Variants in RNF111 observed in about 807,000 individuals in gnomAD.
RNF111 encodes the protein ring finger protein 111.
RNF111 carries 17 observed loss-of-function variants against 95.1 expected under a neutral mutation model. That is an observed-to-expected ratio of 0.18 (90% confidence interval 0.12 to 0.27). RNF111 has a LOEUF of 0.27. RNF111 is among the 10% of genes least tolerant of loss of function. The pLI, the probability that RNF111 is intolerant of heterozygous loss-of-function variation, is 1.00. For synonymous variants in RNF111, 440 were observed against 414.8 expected (o/e 1.06, Z -0.74); for missense variants, 1,189 against 1,210.4 (o/e 0.98, Z 0.26).
At position 59,064,739 on chromosome 15, in the gene RNF111, C is replaced by T. The variant is rs80192488; in HGVS notation, c.1367-2025C>T. ...GGGAGATTAGCCCCCATAGGCCAGA[C>T]TAGCAGCTTGGAAAAAACGAATATA... On this transcript the variant is annotated intron_variant, in intron 5 of 13. Coordinates refer to ENST00000348370, the MANE Select transcript of RNF111 (RefSeq NM_017610.8). Among the ~76,000 whole-genome samples, 687 of 151,970 alleles carry T rather than the reference C, an allele frequency of 4.5e-3. 5 individuals carry two copies. Among genetic ancestry groups the T allele is most frequent in the African/African-American group, 0.016 (662 of 41,444 alleles).
chr15:59,093,823 CAAAT>C (rs1458795964), intron 13 of RNF111, among the ~76,000 whole-genome samples: 1 of 151,964 alleles, frequency 6.6e-6, no homozygotes, highest in Non-Finnish European at 1.5e-5. Context: ...TACCATACGA[CAAAT>C]AAGGTTTTTT....
intron 2 of RNF111, among the ~76,000 whole-genome samples, chr15:59,042,169 G>A (rs1331284248): frequency 6.6e-6 from 1 of 151,806 alleles, no homozygotes; most frequent in African/African-American, 2.4e-5. Context: ...CTGTCACCCA[G>A]GATGGAGTGC....
At chr15:58,995,791 G>C (rs1197319445) in intron 1 of RNF111, among the ~76,000 whole-genome samples, 1 of 87,856 alleles carries the variant, frequency 1.1e-5, no homozygotes, top group African/African-American at 4.5e-5. Flanking sequence ...TTTTTTTTAA[G>C]TATTTCCTGT....
At chr15:59,071,590 G>GCCTTTAGTTCTAGATTCTCC (rs2042929792) in intron 6 of RNF111, among the ~76,000 whole-genome samples, 1 of 151,566 alleles carries the variant, frequency 6.6e-6, no homozygotes, top group Admixed American at 6.6e-5. Context: ...CTTCTTGTGG[G>GCCTTTAGTTCTAGATTCTCC]TGGCTGAGGC....
intron 11 of RNF111, among the ~76,000 whole-genome samples, 156 bp downstream of exon 11, chr15:59,089,915 T>C (rs1052195588): frequency 1.6e-4 from 25 of 152,182 alleles, no homozygotes; most frequent in African/African-American, 5.8e-4. Context: ...GAAATATTTG[T>C]AAGTATTATT....
intron 1 of RNF111, among the ~76,000 whole-genome samples, chr15:58,990,030 T>C (rs1396918089): frequency 6.6e-6 from 1 of 152,182 alleles, no homozygotes; most frequent in African/African-American, 2.4e-5. Flanking sequence ...AGTTAAAATA[T>C]GTTATAACTT....
At chr15:59,058,864 T>C (rs575070424) in intron 5 of RNF111, among the ~76,000 whole-genome samples, 65 of 152,182 alleles carry the variant, frequency 4.3e-4, no homozygotes, top group African/African-American at 1.4e-3. Flanking sequence ...AGAACTTTCG[T>C]GCATTAAAGG....
chr15:59,008,285 G>A (rs1325458743), intron 1 of RNF111, among the ~76,000 whole-genome samples: 2 of 152,016 alleles, frequency 1.3e-5, no homozygotes, highest in African/African-American at 2.4e-5. Flanking sequence ...TGGCACAGTC[G>A]TGGATCACTG....
intron 13 of RNF111, chr15:59,093,449 G>A (rs1237308510): frequency 6.8e-6 from 3 of 440,102 alleles, no homozygotes; most frequent in Non-Finnish European, 4.5e-6. Context: ...GGGCTGAAGC[G>A]ATCCACCTAC....
intron 2 of RNF111, among the ~76,000 whole-genome samples, chr15:59,049,082 C>G (rs913152262): frequency 5.3e-5 from 8 of 152,064 alleles, no homozygotes; most frequent in African/African-American, 1.9e-4. Flanking sequence ...GACCCTGTCT[C>G]ACACACACAC....
intron 2 of RNF111, among the ~76,000 whole-genome samples, chr15:59,034,567 C>T (rs1269074875): frequency 2.6e-5 from 4 of 152,118 alleles, no homozygotes; most frequent in African/African-American, 9.7e-5. Context: ...TTTGGAAAAT[C>T]AGTTTGGAAT....
intron 2 of RNF111, among the ~76,000 whole-genome samples, chr15:59,051,173 G>A (rs991602443): frequency 4.6e-5 from 7 of 152,142 alleles, no homozygotes; most frequent in Admixed American, 2.0e-4. Flanking sequence ...CAAATTTTGC[G>A]CCTGGTGCGG....
intron 5 of RNF111, among the ~76,000 whole-genome samples, chr15:59,063,397 A>G (rs2142049473): frequency 6.6e-6 from 1 of 152,282 alleles, no homozygotes; most frequent in Non-Finnish European, 1.5e-5. Flanking sequence ...CTGCCTCTCG[A>G]TAATCCTGCT....
chr15:59,088,305 G>A (rs16941003), intron 10 of RNF111, among the ~76,000 whole-genome samples: 4 of 152,154 alleles, frequency 2.6e-5, no homozygotes, highest in African/African-American at 4.8e-5. Context: ...AGGGAGGAGA[G>A]GCTTTTCAGG....
chr15:59,046,183 C>CTT (rs34047420), intron 2 of RNF111, among the ~76,000 whole-genome samples: 1 of 142,958 alleles, frequency 7.0e-6, no homozygotes. Flanking sequence ...CTATTTGCTG[C>CTT]TTTTTTTTTT....
intron 8 of RNF111, among the ~76,000 whole-genome samples, chr15:59,082,874 A>G (rs545460800): frequency 2.0e-4 from 31 of 152,246 alleles, no homozygotes; most frequent in Non-Finnish European, 3.2e-4. Context: ...AACCTTTTAT[A>G]TAGAAAATTG....
intron 5 of RNF111, among the ~76,000 whole-genome samples, chr15:59,060,272 G>T (rs1400547591): frequency 6.6e-6 from 1 of 151,486 alleles, no homozygotes; most frequent in South Asian, 2.1e-4. Context: ...TTGTTACTTG[G>T]GTATCTTATA....
chr15:59,067,385 A>G (rs1400453947), intron 6 of RNF111, among the ~76,000 whole-genome samples: 1 of 146,042 alleles, frequency 6.8e-6, no homozygotes, highest in African/African-American at 2.5e-5. Flanking sequence ...CCTGTTTTAG[A>G]TGGCTGGAAA....
At chr15:58,991,024 G>A (rs530433784) in intron 1 of RNF111, among the ~76,000 whole-genome samples, 21 of 152,138 alleles carry the variant, frequency 1.4e-4, no homozygotes, top group South Asian at 1.0e-3. Flanking sequence ...GGCTGGGTGC[G>A]CTTGCTCATA....
Sources: allele counts gnomAD v4.1 joint callset (sites outside exome capture counted in the v4.1 genomes callset), GRCh38; gene constraint gnomAD v4.1.1; transcripts MANE v1.5; gene names NCBI Gene and HGNC (gene_info 2026-07-23, HGNC 2026-07-21).